The following RCAN1 variants were observed in gnomAD, a reference collection of about 807,000 sequenced individuals.
RCAN1 encodes the protein regulator of calcineurin 1, also known as calcipressin-1.
A neutral mutation model predicts 22.9 loss-of-function variants in RCAN1; 11 were observed. The observed-to-expected ratio is 0.48, with a 90% CI of 0.30 to 0.79. RCAN1 has a LOEUF of 0.79. Ranked by LOEUF, RCAN1 falls within the 30% of genes least tolerant of loss-of-function variation. RCAN1 has a pLI of 0.06. For synonymous variants in RCAN1, 136 were observed against 142.3 expected (o/e 0.96, Z 0.32); for missense variants, 291 against 337.8 (o/e 0.86, Z 1.09).
At chr21:34,607,072 A>G (rs1988548054) in intron 1 of RCAN1, among the ~76,000 whole-genome samples, 2 of 152,242 alleles carry the variant, frequency 1.3e-5, no homozygotes, top group African/African-American at 4.8e-5. Context: ...GGCATTAATT[A>G]TGATTGCACA....
chr21:34,526,567 C>A, intron 1 of RCAN1: 1 of 1,288,024 alleles, frequency 7.8e-7, no homozygotes, highest in Non-Finnish European at 1.1e-6. Flanking sequence ...CCCAAACCCA[C>A]AAGAGAGCCA....
chr21:34,613,948 C>T (rs1436052791), intron 1 of RCAN1: 7 of 1,003,392 alleles, frequency 7.0e-6, no homozygotes, highest in African/African-American at 3.3e-5. Flanking sequence ...CATTCTGTGA[C>T]GCCCACGTTG....
chr21:34,586,881 G>T (rs1987816899), intron 1 of RCAN1, among the ~76,000 whole-genome samples: 1 of 152,074 alleles, frequency 6.6e-6, no homozygotes, highest in Admixed American at 6.5e-5. Flanking sequence ...TTGAACCCAG[G>T]AGACAGAGGT....
In RCAN1 at chr21:34,614,039, G is replaced by GCC. The variant is rs1988751740; in HGVS notation, c.252+719_252+720dup. On this transcript the variant is annotated intron_variant, in intron 1 of 3. Coordinates refer to ENST00000313806, the MANE Select transcript of RCAN1 (RefSeq NM_004414.7). This position sits in a 1 kb window ranked among gnomAD's most constrained non-coding sequence, Gnocchi z 6.0. ...CCACCATTATTGATTACTCATACCT[G>GCC]CCCCTCACCCTCCAAAGTGTCTAAA... Among the ~76,000 whole-genome samples, 6 of 152,164 alleles carry GCC rather than the reference G, an allele frequency of 3.9e-5. No individual in the cohort carries two copies.
intron 1 of RCAN1, among the ~76,000 whole-genome samples, chr21:34,583,127 A>G (rs183183449): frequency 3.2e-4 from 48 of 151,768 alleles, no homozygotes; most frequent in Admixed American, 1.0e-3. Context: ...TATGTGTTGA[A>G]GCCCTAACCA....
At chr21:34,520,411 A>C (rs561301180) in intron 3 of RCAN1, among the ~76,000 whole-genome samples, 6 of 152,318 alleles carry the variant, frequency 3.9e-5, no homozygotes, top group Non-Finnish European at 5.9e-5. Flanking sequence ...CGCTTCCTCA[A>C]AATGGCCATT....
chr21:34,543,824 G>A (rs1347170981), intron 1 of RCAN1, among the ~76,000 whole-genome samples: 1 of 152,220 alleles, frequency 6.6e-6, no homozygotes, highest in Non-Finnish European at 1.5e-5. Context: ...CCTGGCTGCA[G>A]TCCTTACTTG....
intron 1 of RCAN1, chr21:34,525,186 G>C: frequency 6.4e-7 from 1 of 1,550,640 alleles, no homozygotes; most frequent in East Asian, 2.4e-5. Flanking sequence ...GCTAGCAAGC[G>C]CGGGGAGGCA....
intron 1 of RCAN1, among the ~76,000 whole-genome samples, chr21:34,548,711 A>G (rs1258812085): frequency 6.6e-6 from 1 of 152,232 alleles, no homozygotes; most frequent in Non-Finnish European, 1.5e-5. Context: ...AACATTATTC[A>G]TGATAATTTA....
Position 34,614,306 on chromosome 21 carries a change from C to T in RCAN1, c.252+454G>A. 1.0e-6 allele frequency: 1 copy of T among 990,892 alleles called. No homozygotes were observed. The highest frequency in any genetic ancestry group is 1.2e-6 in the Non-Finnish European group (1 of 833,810). The allele number at this position is 990,892 out of a possible 1,614,324, so 61.4% of individuals were successfully genotyped here. ...AACATTGGCTTTTCTTCCAATAGTG[C>T]AGATTGGGAATGCAGGGACGTCGTC... On this transcript the variant is annotated intron_variant, in intron 1 of 3. Coordinates refer to ENST00000313806, the MANE Select transcript of RCAN1 (RefSeq NM_004414.7). The surrounding 1 kb of genome is among the most constrained non-coding windows in gnomAD (Gnocchi z 6.0).
chr21:34,600,641 T>C (rs1034302), intron 1 of RCAN1, among the ~76,000 whole-genome samples: 44,419 of 152,116 alleles, frequency 0.29, 6,675 homozygotes, highest in South Asian at 0.37. Context: ...ATTTCTTTCT[T>C]CAATAATAAT....
intron 1 of RCAN1, among the ~76,000 whole-genome samples, chr21:34,528,998 C>T (rs976328907): frequency 6.6e-6 from 1 of 151,438 alleles, no homozygotes. Context: ...GATTATTCAA[C>T]TGTCTTTGCT....
chr21:34,574,158 A>G (rs965506756), intron 1 of RCAN1, among the ~76,000 whole-genome samples: 12 of 152,234 alleles, frequency 7.9e-5, no homozygotes, highest in Admixed American at 2.6e-4. Flanking sequence ...ACAAAGAAGG[A>G]TGTTTCAAGA....
intron 1 of RCAN1, among the ~76,000 whole-genome samples, chr21:34,607,400 T>C (rs1347839679): frequency 6.6e-6 from 1 of 152,184 alleles, no homozygotes; most frequent in Non-Finnish European, 1.5e-5. Context: ...TGCTCCCTTT[T>C]TTTTTTTGAG....
intron 1 of RCAN1, chr21:34,525,530 C>T: frequency 3.2e-6 from 2 of 625,042 alleles, no homozygotes; most frequent in East Asian, 3.1e-5. Flanking sequence ...CACTGTGACC[C>T]ACTGTTTAGT....
rs138008358 is a variant in RCAN1, at chr21:34,598,499, C to T, written c.252+16261G>A. 1.5e-3 allele frequency among the ~76,000 whole-genome samples: 221 copies of T among 152,272 alleles called. 1 individual carries two copies. Among genetic ancestry groups the T allele is most frequent in the African/African-American group, 8.7e-4 (36 of 41,548 alleles). On this transcript the variant is annotated intron_variant, in intron 1 of 3. Transcript: ENST00000313806. Reference sequence around the variant, plus strand: ...GAACATCCCACAGGTAACATGCAAACGAGAAAACCAGAAATCTAACTCACT... The same window carrying T: ...GAACATCCCACAGGTAACATGCAAATGAGAAAACCAGAAATCTAACTCACT...
rs1317228429 is a variant in RCAN1, at chr21:34,563,790, T to TAGAGAG, written c.253-40081_253-40080insCTCTCT. On this transcript the variant is annotated intron_variant, in intron 1 of 3. Transcript: ENST00000313806. Reference sequence around the variant, plus strand: ...AAAAAAATATATATATATATATATATATATAGAGAGAGAGAGAGAGAGAGA... The same window carrying TAGAGAG: ...AAAAAAATATATATATATATATATATAGAGAGATATAGAGAGAGAGAGAGAGAGAGA... 8.0e-3 allele frequency among the ~76,000 whole-genome samples: 677 copies of TAGAGAG among 84,222 alleles called. 2 individuals are homozygous for TAGAGAG. The highest frequency in any genetic ancestry group is 0.011 in the South Asian group (23 of 2,058). The allele number at this position is 84,222 out of a possible 152,430, so 55.3% of individuals were successfully genotyped here. A position where few individuals can be genotyped will look rare whatever the true frequency, so the allele number is the denominator to read the frequency against.
chr21:34,604,206 T>C (rs902428358), intron 1 of RCAN1, among the ~76,000 whole-genome samples: 2 of 152,096 alleles, frequency 1.3e-5, no homozygotes, highest in Non-Finnish European at 2.9e-5. Context: ...CCTTGGCTCA[T>C]TGCAACCTCC....
Position 34,523,641 on chromosome 21 carries a change from G to T in RCAN1, c.322C>A (p.Arg108=), listed in dbSNP as rs751990816. Residue 108 remains arginine, a synonymous_variant, in exon 2 of 4, where the codon CGA becomes AGA. Transcript: ENST00000313806. ...GGGTTGCTGAAGTTTATTCTGACTC[G>T]TTTGAAGCTCTTAAAATACTGAAAG... is the stretch of plus-strand genomic sequence containing the variant. ...ITFQYFKSFK[R]VRINFSNPFS... 6.2e-7 allele frequency: 1 copy of T among 1,614,104 alleles called. No individual in the cohort carries two copies. The highest frequency in any genetic ancestry group is 1.7e-5 in the Admixed American group (1 of 60,030).
Sources: gnomAD v4.1 joint callset for allele counts (sites outside exome capture counted in the v4.1 genomes callset) on GRCh38, gnomAD v4.1.1 for gene constraint, Gnocchi (gnomAD v3.1) non-coding constraint, MANE v1.5 for transcripts, NCBI Gene and HGNC (gene_info 2026-07-23, HGNC 2026-07-21) for gene names.